The following GPC6 variants were observed in gnomAD, a reference collection of about 807,000 sequenced individuals.
GPC6 encodes the protein glypican-6.
GPC6 carries 14 observed loss-of-function variants against 55.2 expected under a neutral mutation model. The observed-to-expected ratio is 0.25, with a 90% CI of 0.17 to 0.40. GPC6 has a LOEUF of 0.40. GPC6 is among the 10% of genes least tolerant of loss of function. The probability of loss-of-function intolerance (pLI) is 1.00; values close to 1 mark genes in which losing one functional copy is unlikely to be tolerated. For synonymous variants in GPC6, 278 were observed against 259.6 expected, an observed-to-expected ratio of 1.07 and a Z score of -0.68; for missense variants, 641 against 708.5, an observed-to-expected ratio of 0.90 and a Z score of 1.08.
chr13:93,663,279 T>G (rs764769883), intron 2 of GPC6, among the ~76,000 whole-genome samples: 10 of 152,102 alleles, frequency 6.6e-5, no homozygotes, highest in Non-Finnish European at 1.3e-4. Context: ...ATCATATAAT[T>G]GTTTTGAATT....
intron 1 of GPC6, among the ~76,000 whole-genome samples, chr13:93,239,234 T>C (rs1196615779): frequency 6.6e-6 from 1 of 152,002 alleles, no homozygotes; most frequent in Non-Finnish European, 1.5e-5. Context: ...TTGGAAAATT[T>C]TTTAAATTAC....
chr13:94,389,167 A>T (rs1880536245), intron 7 of GPC6, among the ~76,000 whole-genome samples: 1 of 152,214 alleles, frequency 6.6e-6, no homozygotes, highest in Non-Finnish European at 1.5e-5. Context: ...CTAGTAAGTT[A>T]CAGAGGAAAA....
At chr13:93,355,515 A>G (rs1436949416) in intron 1 of GPC6, among the ~76,000 whole-genome samples, 1 of 152,216 alleles carries the variant, frequency 6.6e-6, no homozygotes, top group Non-Finnish European at 1.5e-5. Flanking sequence ...AGATGTTTGC[A>G]TCAAATGAGC....
chr13:93,290,930 G>C (rs542053029), intron 1 of GPC6, among the ~76,000 whole-genome samples: 68 of 152,204 alleles, frequency 4.5e-4, no homozygotes, highest in African/African-American at 1.5e-3. Context: ...GTTAGAGCCT[G>C]GTTAATGTCT....
chr13:93,375,703 G>A (rs1874864038), intron 1 of GPC6, among the ~76,000 whole-genome samples: 2 of 152,182 alleles, frequency 1.3e-5, no homozygotes, highest in South Asian at 4.1e-4. Flanking sequence ...AGTGGAGTGG[G>A]CAGGGACTCC....
chr13:93,695,030 G>A (rs964987788), intron 2 of GPC6, among the ~76,000 whole-genome samples: 29 of 151,904 alleles, frequency 1.9e-4, no homozygotes, highest in African/African-American at 6.8e-4. Context: ...TTTTCTAACT[G>A]CTCAGAAACG....
chr13:93,559,828 G>A (rs2139456725), intron 2 of GPC6, among the ~76,000 whole-genome samples: 1 of 152,276 alleles, frequency 6.6e-6, no homozygotes, highest in African/African-American at 2.4e-5. Flanking sequence ...GATGCCACGG[G>A]TGAATGCAGA....
intron 1 of GPC6, among the ~76,000 whole-genome samples, chr13:93,446,589 G>A (rs953705484): frequency 2.0e-5 from 3 of 152,096 alleles, no homozygotes; most frequent in African/African-American, 7.2e-5. Flanking sequence ...ATTAGACATA[G>A]CATGATGACT....
In GPC6 at chr13:93,417,780, T is replaced by C. The variant is rs144136284; in HGVS notation, c.161-127483T>C. 5.3e-5 allele frequency among the ~76,000 whole-genome samples: 8 copies of C among 152,190 alleles called. 2 individuals carry two copies. The highest frequency in any genetic ancestry group is 1.9e-4 in the African/African-American group (8 of 41,554). ...GCAAGAACAGATTAGAACTGGGATG[T>C]AAATGAAAAATCTATATATGGATAA... On this transcript the variant is annotated intron_variant, in intron 1 of 8. Coordinates refer to ENST00000377047, the MANE Select transcript of GPC6 (RefSeq NM_005708.5).
In GPC6 at chr13:93,231,397, GTATATA is replaced by G. The variant is rs71123471; in HGVS notation, c.160+3802_160+3807del. ...TATATATACATATATATATATATATGTATATATATATATATATATATATATACGTAT... is the reference window on the plus strand; with the variant it reads ...TATATATACATATATATATATATATGTATATATATATATATATATACGTAT... On this transcript the variant is annotated intron_variant, in intron 1 of 8. Transcript: ENST00000377047. 3.0e-3 allele frequency among the ~76,000 whole-genome samples: 138 copies of G among 45,814 alleles called. 3 individuals carry two copies. The highest frequency in any genetic ancestry group is 9.9e-3 in the African/African-American group (99 of 10,020). 30.1% of individuals were successfully genotyped at this position (45,814 alleles called of 152,430 possible). A position where few individuals can be genotyped will look rare whatever the true frequency, so the allele number is the denominator to read the frequency against.
At chr13:93,252,659 A>G (rs988979419) in intron 1 of GPC6, among the ~76,000 whole-genome samples, 3 of 152,120 alleles carry the variant, frequency 2.0e-5, no homozygotes, top group African/African-American at 7.2e-5. Context: ...AAAATGAGGG[A>G]CTTAGTTTTT....
At chr13:93,805,721 C>A (rs9524226) in intron 2 of GPC6, among the ~76,000 whole-genome samples, 3 of 151,930 alleles carry the variant, frequency 2.0e-5, no homozygotes, top group African/African-American at 7.3e-5. Context: ...GTTGATCATC[C>A]CCTCCAATCT....
intron 1 of GPC6, among the ~76,000 whole-genome samples, chr13:93,491,925 C>T (rs1880026312): frequency 9.3e-6 from 1 of 108,086 alleles, no homozygotes; most frequent in South Asian, 3.1e-4. Context: ...TTACTGTAGC[C>T]TTGTAGTATA....
chr13:93,686,657 A>G (rs1882058347), intron 2 of GPC6, among the ~76,000 whole-genome samples: 1 of 152,194 alleles, frequency 6.6e-6, no homozygotes, highest in Non-Finnish European at 1.5e-5. Context: ...TACATTGTGA[A>G]TCATTCTTTT....
At chr13:93,993,127 A>G (rs561655186) in intron 3 of GPC6, among the ~76,000 whole-genome samples, 1 of 152,138 alleles carries the variant, frequency 6.6e-6, no homozygotes, top group East Asian at 1.9e-4. Context: ...CTAAGTCTGA[A>G]AACTAATAAT....
chr13:93,925,885 C>T (rs535870862), intron 3 of GPC6, among the ~76,000 whole-genome samples: 1 of 152,260 alleles, frequency 6.6e-6, no homozygotes, highest in East Asian at 1.9e-4. Context: ...CTGAAATGGG[C>T]GAGATGGCTC....
At chr13:93,998,814 T>A (rs1881670327) in intron 3 of GPC6, among the ~76,000 whole-genome samples, 1 of 152,164 alleles carries the variant, frequency 6.6e-6, no homozygotes, top group Admixed American at 6.6e-5. Flanking sequence ...AATTAACATA[T>A]GCATTACCTC....
intron 4 of GPC6, among the ~76,000 whole-genome samples, chr13:94,213,910 C>G (rs940222536): frequency 2.6e-5 from 4 of 152,172 alleles, no homozygotes; most frequent in African/African-American, 9.7e-5. Flanking sequence ...AGAATAAATA[C>G]TACCAACTTT....
At chr13:93,882,863 A>G (rs552932407) in intron 3 of GPC6, among the ~76,000 whole-genome samples, 5 of 152,222 alleles carry the variant, frequency 3.3e-5, no homozygotes, top group African/African-American at 1.2e-4. Context: ...GTAGCCTTGA[A>G]CAGACTCACT....
Sources: allele counts gnomAD v4.1 joint callset (sites outside exome capture counted in the v4.1 genomes callset), GRCh38; gene constraint gnomAD v4.1.1; transcripts MANE v1.5; gene names NCBI Gene and HGNC (gene_info 2026-07-23, HGNC 2026-07-21).